The following COL20A1 variants were observed in gnomAD, a reference collection of about 807,000 sequenced individuals.
The protein encoded by COL20A1 is collagen alpha-1(XX) chain.
Under a neutral mutation model 152.9 loss-of-function variants are expected in COL20A1, and 164 were observed. The ratio of observed to expected loss-of-function variants is 1.07; its 90% confidence interval spans 0.94 to 1.22. COL20A1 has a LOEUF of 1.22. COL20A1 is among the 50% of genes most tolerant of loss of function. COL20A1 has a pLI of 0.00. For synonymous variants in COL20A1, 864 were observed against 756.0 expected (o/e 1.14, Z -2.34); for missense variants, 1,873 against 1,744.8 (o/e 1.07, Z -1.31).
intron 28 of COL20A1, 79 bp downstream of exon 28, chr20:63,325,573 G>C: frequency 1.3e-6 from 2 of 1,544,440 alleles, no homozygotes; most frequent in South Asian, 1.1e-5. Flanking sequence ...GGAGTGCCTG[G>C]GGGGCACAGG....
rs763585781 is a variant in COL20A1, at chr20:63,311,765, C to T, written c.1663+17C>T. On this transcript the variant is annotated intron_variant, in intron 13 of 35. Coordinates refer to ENST00000358894, the MANE Select transcript of COL20A1 (RefSeq NM_020882.4). The surrounding 1 kb of genome is among the most constrained non-coding windows in gnomAD (Gnocchi z 4.4). ...CCAGGACCCGTGAGTGCTCCAACCC[C>T]GGCTGCCTGCCCACAGGCGGGTGCC... 6 of 1,582,106 alleles carry T rather than the reference C, an allele frequency of 3.8e-6. No homozygotes were observed. The highest frequency in any genetic ancestry group is 2.3e-5 in the East Asian group (1 of 43,868).
In COL20A1 at chr20:63,311,811, C is replaced by T; in HGVS notation, c.1663+63C>T. 1 of 1,539,884 alleles carries T rather than the reference C, an allele frequency of 6.5e-7. No homozygotes were observed. Among genetic ancestry groups the T allele is most frequent in the Non-Finnish European group, 8.7e-7 (1 of 1,148,316 alleles). ...GTGCCCCATCTTGTTCCTCAGCCTTCCATGGCATGGGAGACCTCAGGCCCC... is the reference window on the plus strand; with the variant it reads ...GTGCCCCATCTTGTTCCTCAGCCTTTCATGGCATGGGAGACCTCAGGCCCC... On this transcript the variant is annotated intron_variant, in intron 13 of 35. Transcript: ENST00000358894. The surrounding 1 kb of genome is among the most constrained non-coding windows in gnomAD (Gnocchi z 4.4).
Position 63,309,751 on chromosome 20 carries a change from CCAG to C in COL20A1, c.1107_1109del. On this transcript the variant is annotated splice_polypyrimidine_tract_variant and splice_region_variant and intron_variant, in intron 9 of 35. Coordinates refer to ENST00000358894, the MANE Select transcript of COL20A1 (RefSeq NM_020882.4). ...CCACCTGCCCCCCACTCCCGCTACT[CCAG>C]CAGCAGCGGCTCCAGCCCTGGACAC... 8 of 1,561,418 alleles carry C rather than the reference CCAG, an allele frequency of 5.1e-6. No individual in the cohort carries two copies. The African/African-American group carries it at 9.5e-5, about 19-fold the overall frequency.
chr20:63,326,179 C>G, intron 30 of COL20A1, 30 bp downstream of exon 30: 1 of 1,581,160 alleles, frequency 6.3e-7, no homozygotes, highest in Non-Finnish European at 8.7e-7. Flanking sequence ...GACCCCGACC[C>G]CCACCCAGGG....
At position 63,311,382 on chromosome 20, in the gene COL20A1, A is replaced by G; in HGVS notation, c.1394-12A>G. The G allele has an allele frequency of 1.3e-6, 2 of 1,573,906 alleles. No individual in the cohort carries two copies. The highest frequency in any genetic ancestry group is 1.7e-6 in the Non-Finnish European group (2 of 1,161,418). On this transcript the variant is annotated splice_polypyrimidine_tract_variant and intron_variant, in intron 11 of 35. Coordinates refer to ENST00000358894, the MANE Select transcript of COL20A1 (RefSeq NM_020882.4). This position sits in a 1 kb window ranked among gnomAD's most constrained non-coding sequence, Gnocchi z 4.4. The stretch of plus-strand genomic sequence containing the variant: ...GGGCTCCTTCCTAAAGTGTCCCTGC[A>G]TGGCCCCCCAGCACCTCTGCCTCCG...
chr20:63,319,041 T>TG lies in COL20A1; in HGVS notation c.2664-17_2664-16insG. 4 of 1,564,812 alleles carry TG rather than the reference T, an allele frequency of 2.6e-6. No individual in the cohort carries two copies. Among genetic ancestry groups the TG allele is most frequent in the Non-Finnish European group, 3.5e-6 (4 of 1,138,076 alleles). Reference sequence around the variant, plus strand: ...TTGGGTCTGCTCATGTGCCTCTCCCTCCCCCAACCCCCACAGTGACGTCTA... The same window carrying TG: ...TTGGGTCTGCTCATGTGCCTCTCCCTGCCCCCAACCCCCACAGTGACGTCTA... On this transcript the variant is annotated splice_polypyrimidine_tract_variant and intron_variant, in intron 21 of 35. Coordinates refer to ENST00000358894, the MANE Select transcript of COL20A1 (RefSeq NM_020882.4). The surrounding 1 kb of genome is among the most constrained non-coding windows in gnomAD (Gnocchi z 4.4).
chr20:63,318,743 C>T (rs2068117036), intron 21 of COL20A1, among the ~76,000 whole-genome samples: 1 of 152,138 alleles, frequency 6.6e-6, no homozygotes. Context: ...CTGTTGAATC[C>T]TCCTCATTCA....
chr20:63,326,728 A>T (rs2068254760), intron 30 of COL20A1, 24 bp from the exon 31 acceptor site: 4 of 1,406,398 alleles, frequency 2.8e-6, no homozygotes, highest in South Asian at 3.3e-5. Context: ...CCCAAGCCAA[A>T]CCCTGACTTC....
Position 63,308,615 on chromosome 20 carries a change from G to A in COL20A1, c.849G>A (p.Val283=). The change falls in exon 8 of 36, where the codon GTG becomes GTA. Residue 283 remains valine (V), a synonymous_variant. Coordinates refer to ENST00000358894, the MANE Select transcript of COL20A1 (RefSeq NM_020882.4). ...GCCTCCGTCCAGAGGCAGCCAAGGT[G>A]GTGATTCTGGTGACGGACGGCAAGT... ...AAGLRPEAAK[V]VILVTDGKSQ... The A allele has an allele frequency of 6.2e-7, 1 of 1,605,742 alleles. No homozygotes were observed. The highest frequency in any genetic ancestry group is 8.5e-7 in the Non-Finnish European group (1 of 1,176,850).
At chr20:63,321,375 G>C (rs1041840645) in intron 26 of COL20A1, among the ~76,000 whole-genome samples, 1 of 152,036 alleles carries the variant, frequency 6.6e-6, no homozygotes, top group South Asian at 2.1e-4. Flanking sequence ...GGTTGGGAAG[G>C]GGGGCCAGGC....
In COL20A1 at chr20:63,321,011, A is replaced by G; in HGVS notation, c.3154-2A>G. ...TAATGGGCAGGGTCTCTCTTCTTCC[A>G]GAGGGATGGAGAGACCTGCCCCGCC... On this transcript the variant is annotated splice_acceptor_variant, in intron 25 of 35. Coordinates refer to ENST00000358894, the MANE Select transcript of COL20A1 (RefSeq NM_020882.4). LOFTEE classifies it high-confidence loss of function. 1.3e-6 allele frequency: 2 copies of G among 1,570,578 alleles called. No homozygotes were observed. Among genetic ancestry groups the G allele is most frequent in the South Asian group, 2.3e-5 (2 of 85,146 alleles).
chr20:63,310,281 G>T (rs2067987487), intron 10 of COL20A1, 100 bp from the exon 11 acceptor site: 1 of 1,368,726 alleles, frequency 7.3e-7, no homozygotes, highest in Non-Finnish European at 1.0e-6. Context: ...CACCCTGCGG[G>T]CCCCAGCTGA....
intron 34 of COL20A1, chr20:63,329,166 G>A (rs1201354923): frequency 2.0e-5 from 4 of 200,746 alleles, no homozygotes. Context: ...GACGTCTCAG[G>A]AAACTGGGGG....
At chr20:63,304,069 A>G (rs191473001) in intron 3 of COL20A1, among the ~76,000 whole-genome samples, 1 of 133,954 alleles carries the variant, frequency 7.5e-6, no homozygotes, top group East Asian at 2.4e-4. Context: ...CCCAGTGTGC[A>G]GGTGTGGGCT....
chr20:63,332,285 GC>G lies in COL20A1; in HGVS notation c.*1571del, dbSNP rs2068342680. On this transcript the variant is annotated 3_prime_UTR_variant, in exon 36 of 36. Coordinates refer to ENST00000358894, the MANE Select transcript of COL20A1 (RefSeq NM_020882.4). ...ACAGTTGTTGAGAGCAGCAGCCCAA[GC>G]CAGCCCCTCCGTCCTGCAGGGAGGA... is the stretch of plus-strand genomic sequence containing the variant. The G allele has an allele frequency of 6.6e-6, 1 of 152,354 alleles. No homozygotes were observed. Among genetic ancestry groups the G allele is most frequent in the African/African-American group, 2.4e-5 (1 of 41,476 alleles). The allele number at this position is 152,354 out of a possible 1,614,324, so 9.4% of individuals were successfully genotyped here.
intron 1 of COL20A1, among the ~76,000 whole-genome samples, 154 bp downstream of exon 1, chr20:63,293,429 C>A (rs1050455830): frequency 2.0e-5 from 3 of 152,278 alleles, no homozygotes; most frequent in African/African-American, 4.8e-5. Context: ...CCAGCACGCA[C>A]AGGGTGTGGC....
At chr20:63,315,621 C>T (rs1375262783) in intron 20 of COL20A1, among the ~76,000 whole-genome samples, 182 bp downstream of exon 20, 1 of 152,222 alleles carries the variant, frequency 6.6e-6, no homozygotes, top group Non-Finnish European at 1.5e-5. Context: ...TCCTGCTTCT[C>T]ACTGAGGGAG....
chr20:63,308,213 A>G lies in COL20A1; in HGVS notation c.775+123A>G, dbSNP rs963270650. On this transcript the variant is annotated intron_variant, in intron 7 of 35. Coordinates refer to ENST00000358894, the MANE Select transcript of COL20A1 (RefSeq NM_020882.4). The stretch of plus-strand genomic sequence containing the variant: ...TGGTGTGGACCTGAGCCCTGTTCAC[A>G]CCTTTATAGAGGGCAGAGTCACCCC... 6.7e-6 allele frequency: 8 copies of G among 1,198,068 alleles called. No individual in the cohort carries two copies. In the African/African-American group the frequency reaches 1.1e-4, roughly 16 times the overall value. The allele number at this position is 1,198,068 out of a possible 1,614,324, so 74.2% of individuals were successfully genotyped here. A position where few individuals can be genotyped will look rare whatever the true frequency, so the allele number is the denominator to read the frequency against.
Position 63,305,474 on chromosome 20 carries a change from G to A in COL20A1, c.251G>A (p.Gly84Asp), listed in dbSNP as rs2067912428. Residue 84 changes from glycine to aspartate, a missense_variant, in exon 4 of 36, where the codon GGC (glycine) becomes GAC (aspartate). Physicochemically the swap from Gly to Asp is moderately conservative, Grantham distance 94. Transcript: ENST00000358894. This position sits in a 1 kb window ranked among gnomAD's most constrained non-coding sequence, Gnocchi z 4.9. ...TTKTPKATVGGLSPSKGYTLQ... is the reference protein window; with the variant it reads ...TTKTPKATVGDLSPSKGYTLQ... ...AAGACCCCTAAGGCCACAGTGGGGG[G>A]CCTGAGCCCCTCCAAGGGCTACACC... is the stretch of plus-strand genomic sequence containing the variant. The A allele has an allele frequency of 3.1e-6, 5 of 1,604,182 alleles. No individual in the cohort carries two copies. The highest frequency in any genetic ancestry group is 3.4e-6 in the Non-Finnish European group (4 of 1,176,192).
Sources: gnomAD v4.1 joint callset for allele counts (sites outside exome capture counted in the v4.1 genomes callset) on GRCh38, gnomAD v4.1.1 for gene constraint, Gnocchi (gnomAD v3.1) non-coding constraint, MANE v1.5 for transcripts, NCBI Gene and HGNC (gene_info 2026-07-23, HGNC 2026-07-21) for gene names.